The following CTDP1 variants were observed in gnomAD, a reference collection of about 807,000 sequenced individuals.
CTDP1 encodes the protein CTD phosphatase 1, also known as RNA polymerase II subunit A C-terminal domain phosphatase.
CTDP1 carries 47 observed loss-of-function variants against 91.8 expected under a neutral mutation model. That is an observed-to-expected ratio of 0.51 (90% CI 0.41 to 0.65). The LOEUF is 0.65. CTDP1 is among the 30% of genes least tolerant of loss of function. The probability of loss-of-function intolerance (pLI) is 0.00; values close to 1 mark genes in which losing one functional copy is unlikely to be tolerated. For missense variants in CTDP1, 1,272 were observed against 1,373.7 expected (o/e 0.93, Z 1.17); for synonymous variants, 656 against 598.5 (o/e 1.10, Z -1.40).
At chr18:79,727,197 T>G (rs1479199488) in intron 10 of CTDP1, among the ~76,000 whole-genome samples, 13 of 152,196 alleles carry the variant, frequency 8.5e-5, no homozygotes, top group Non-Finnish European at 1.5e-5. Context: ...ATCATAGGTT[T>G]TTAACATTTA....
At position 79,683,998 on chromosome 18, in the gene CTDP1, C is replaced by T. The variant is rs115237288; in HGVS notation, c.314+3737C>T. On this transcript the variant is annotated intron_variant, in intron 1 of 12. Transcript: ENST00000613122. ...AAAAATACTTATTTTTCAGGAATAA[C>T]GGGAAGTATCTTTGAAAACATAGCA... Among the ~76,000 whole-genome samples the T allele has an allele frequency of 7.5e-3, 1,144 of 152,316 alleles. 13 individuals are homozygous for T. Among genetic ancestry groups the T allele is most frequent in the African/African-American group, 0.026 (1,077 of 41,568 alleles).
chr18:79,681,607 C>A, intron 1 of CTDP1: 2 of 434,288 alleles, frequency 4.6e-6, no homozygotes, highest in Non-Finnish European at 6.1e-6. Context: ...ATCAGTCAGT[C>A]AGCCAGCCAG....
At chr18:79,694,985 G>T (rs761834691) in intron 1 of CTDP1, among the ~76,000 whole-genome samples, 9 of 152,192 alleles carry the variant, frequency 5.9e-5, no homozygotes, top group Non-Finnish European at 1.3e-4. Context: ...TCCACGGGTG[G>T]CACGGGGGTG....
chr18:79,710,817 A>G (rs1361504123), intron 6 of CTDP1, among the ~76,000 whole-genome samples: 2 of 149,232 alleles, frequency 1.3e-5, no homozygotes, highest in Non-Finnish European at 3.0e-5. Flanking sequence ...AAGTGTTGGG[A>G]TTACAGGCAT....
At chr18:79,731,185 C>T (rs2086558591) in intron 11 of CTDP1, among the ~76,000 whole-genome samples, 1 of 152,192 alleles carries the variant, frequency 6.6e-6, no homozygotes, top group Non-Finnish European at 1.5e-5. Context: ...TTTTGGGGCA[C>T]AGACGATGGG....
chr18:79,689,901 C>G (rs902133665), intron 1 of CTDP1, among the ~76,000 whole-genome samples: 1 of 152,200 alleles, frequency 6.6e-6, no homozygotes, highest in Admixed American at 6.5e-5. Flanking sequence ...CCGGCGGGAT[C>G]CCCGTGGTGC....
rs1254350782 is a variant in CTDP1, at chr18:79,695,323, G to A, written c.398+15G>A. 6.2e-7 allele frequency: 1 copy of A among 1,612,862 alleles called. No individual in the cohort carries two copies. The highest frequency in any genetic ancestry group is 1.7e-5 in the Admixed American group (1 of 60,026). On this transcript the variant is annotated intron_variant, in intron 2 of 12. Transcript: ENST00000613122. The stretch of plus-strand genomic sequence containing the variant: ...GACCTCACCCAGTAAGTATCCGGAA[G>A]AGTGAGATCGCTGCCTGCTGGGGCT...
chr18:79,747,278 C>T (rs1309482437), intron 12 of CTDP1, among the ~76,000 whole-genome samples: 2 of 152,280 alleles, frequency 1.3e-5, no homozygotes, highest in East Asian at 3.9e-4. Context: ...GGCCCCTGCC[C>T]CTCTTCCACC....
intron 1 of CTDP1, among the ~76,000 whole-genome samples, chr18:79,687,685 TGAC>T (rs1462863394): frequency 1.3e-5 from 2 of 151,726 alleles, no homozygotes; most frequent in African/African-American, 4.9e-5. Flanking sequence ...CCGCAGCAGT[TGAC>T]TTCTCCAGTT....
At chr18:79,684,538 G>C (rs2085443778) in intron 1 of CTDP1, among the ~76,000 whole-genome samples, 1 of 152,110 alleles carries the variant, frequency 6.6e-6, no homozygotes, top group Non-Finnish European at 1.5e-5. Flanking sequence ...GTTGTCACCA[G>C]GCAAGGTGGG....
At chr18:79,730,694 T>C (rs1196436727) in intron 11 of CTDP1, among the ~76,000 whole-genome samples, 1 of 152,208 alleles carries the variant, frequency 6.6e-6, no homozygotes, top group Non-Finnish European at 1.5e-5. Context: ...CCTCCTTGAT[T>C]CTCTGTGAGT....
chr18:79,740,633 C>T (rs1056279619), intron 12 of CTDP1, among the ~76,000 whole-genome samples: 3 of 152,202 alleles, frequency 2.0e-5, no homozygotes, highest in African/African-American at 7.2e-5. Flanking sequence ...AGTGCTCTAG[C>T]TGGTGGTACG....
At chr18:79,678,955 C>A, upstream of CTDP1, 1 of 192,434 alleles carries the variant, frequency 5.2e-6, no homozygotes, top group Non-Finnish European at 1.1e-5. Context: ...CTGAGCCTCC[C>A]AAAGTGCTGA....
At chr18:79,683,822 A>C (rs2085426751) in intron 1 of CTDP1, among the ~76,000 whole-genome samples, 1 of 152,026 alleles carries the variant, frequency 6.6e-6, no homozygotes, top group African/African-American at 2.4e-5. Context: ...GAGGTGTGGG[A>C]TTTACGGGGA....
At chr18:79,749,244 GCCCTCCCCCTCCTCT>G (rs919693591) in intron 12 of CTDP1, among the ~76,000 whole-genome samples, 10 of 152,024 alleles carry the variant, frequency 6.6e-5, no homozygotes, top group Admixed American at 6.6e-5. Flanking sequence ...TGCACCTCTC[GCCCTCCCCCTCCTCT>G]CCCTGCTTGC....
At chr18:79,733,807 A>G (rs1390655816) in intron 11 of CTDP1, among the ~76,000 whole-genome samples, 1 of 152,182 alleles carries the variant, frequency 6.6e-6, no homozygotes, top group East Asian at 1.9e-4. Flanking sequence ...AGGGTCGTGC[A>G]AGGAGGTTGG....
At chr18:79,694,154 G>GT (rs1336999540) in intron 1 of CTDP1, among the ~76,000 whole-genome samples, 1 of 151,188 alleles carries the variant, frequency 6.6e-6, no homozygotes, top group East Asian at 1.9e-4. Context: ...TGGGACGGGA[G>GT]TGTGGGGGCT....
At chr18:79,742,510 TC>T (rs1159136076) in intron 12 of CTDP1, among the ~76,000 whole-genome samples, 1 of 152,248 alleles carries the variant, frequency 6.6e-6, no homozygotes, top group Non-Finnish European at 1.5e-5. Context: ...TAAAGGAAGC[TC>T]TTCAGGCTGA....
intron 12 of CTDP1, among the ~76,000 whole-genome samples, chr18:79,740,857 A>G (rs2086762005): frequency 6.6e-6 from 1 of 152,226 alleles, no homozygotes; most frequent in African/African-American, 2.4e-5. Context: ...TCAAAATAAA[A>G]AACCAAACAA....
Sources: allele counts gnomAD v4.1 joint callset (sites outside exome capture counted in the v4.1 genomes callset), GRCh38; gene constraint gnomAD v4.1.1; transcripts MANE v1.5; gene names NCBI Gene and HGNC (gene_info 2026-07-23, HGNC 2026-07-21).